RBFOX1: variants seen among roughly 807,000 people sequenced by gnomAD.
RBFOX1 encodes the protein RNA binding fox-1 homolog 1, also known as RNA binding protein fox-1 homolog 1.
In RBFOX1, 8 loss-of-function variants were observed where a neutral mutation model predicts 57.7. The observed-to-expected ratio is 0.14, with a 90% CI of 0.08 to 0.25. The LOEUF (loss-of-function observed/expected upper bound fraction) is 0.25, where lower values mean the gene tolerates loss of function less well. Ranked by LOEUF, RBFOX1 falls within the 10% of genes least tolerant of loss-of-function variation. The pLI is 1.00. For missense variants in RBFOX1, 611 were observed against 548.5 expected, an observed-to-expected ratio of 1.11 and a Z score of -1.14; for synonymous variants, 326 against 222.4, an observed-to-expected ratio of 1.47 and a Z score of -4.15.
intron 2 of RBFOX1, among the ~76,000 whole-genome samples, chr16:6,342,268 C>T (rs546768650): frequency 6.6e-5 from 10 of 152,158 alleles, no homozygotes; most frequent in African/African-American, 2.4e-4. Flanking sequence ...TGGCGGTGGT[C>T]TGGACTAGGA....
intron 3 of RBFOX1, among the ~76,000 whole-genome samples, chr16:5,847,210 T>C (rs1452971885): frequency 1.3e-5 from 2 of 152,082 alleles, no homozygotes; most frequent in African/African-American, 2.4e-5. Flanking sequence ...AGGAAACACA[T>C]GAGCATTTTG....
chr16:7,391,375 A>C (rs2098016868), intron 4 of RBFOX1, among the ~76,000 whole-genome samples: 1 of 152,166 alleles, frequency 6.6e-6, no homozygotes, highest in African/African-American at 2.4e-5. Flanking sequence ...CAAGGATACC[A>C]ATTATAGGGG....
rs147129858 is a variant in RBFOX1, at chr16:5,904,714, G to C, written c.351+37379G>C. Among the ~76,000 whole-genome samples the C allele has an allele frequency of 1.4e-3, 208 of 151,774 alleles. 4 individuals are homozygous for C. The highest frequency in any genetic ancestry group is 4.8e-3 in the African/African-American group (200 of 41,274). Reference sequence around the variant, plus strand: ...TCAGATGGGCCGGGCACAGTGTCTCGCGCCTGTAATCCCAGCACTTTGGGA... The same window carrying C: ...TCAGATGGGCCGGGCACAGTGTCTCCCGCCTGTAATCCCAGCACTTTGGGA... On this transcript the variant is annotated intron_variant, in intron 4 of 19. Coordinates refer to the RBFOX1 transcript ENST00000641259.
At chr16:5,589,074 T>G (rs777504781) in intron 2 of RBFOX1, among the ~76,000 whole-genome samples, 9 of 152,062 alleles carry the variant, frequency 5.9e-5, no homozygotes, top group Non-Finnish European at 1.3e-4. Flanking sequence ...GCCAAGGCAG[T>G]GGGTATGGAG....
At position 6,195,705 on chromosome 16, in the gene RBFOX1, G is replaced by C. The variant is rs116417922; in HGVS notation, c.-126-121290G>C. Among the ~76,000 whole-genome samples the C allele has an allele frequency of 7.5e-3, 1,142 of 151,662 alleles. 13 individuals are homozygous for C. The highest frequency in any genetic ancestry group is 0.026 in the African/African-American group (1,075 of 41,326). ...TTGCACTCCAGCCTGGGAAACAAGG[G>C]AGAAACTCTGTCTTTAAAAAAGAAA... is the stretch of plus-strand genomic sequence containing the variant. On this transcript the variant is annotated intron_variant, in intron 1 of 15. Coordinates refer to ENST00000550418, the MANE Select transcript of RBFOX1 (RefSeq NM_018723.4).
chr16:6,139,093 A>T (rs1388302761), intron 1 of RBFOX1, among the ~76,000 whole-genome samples: 1 of 152,130 alleles, frequency 6.6e-6, no homozygotes, highest in Non-Finnish European at 1.5e-5. Context: ...ATTGTTATTG[A>T]TAGCAGTTCT....
intron 4 of RBFOX1, among the ~76,000 whole-genome samples, chr16:7,500,285 G>T (rs1567529270): frequency 6.6e-6 from 1 of 152,184 alleles, no homozygotes. Context: ...GAACTGTTTG[G>T]TTTCAATTCT....
At chr16:5,555,825 G>A (rs757263534) in intron 2 of RBFOX1, among the ~76,000 whole-genome samples, 2 of 151,794 alleles carry the variant, frequency 1.3e-5, no homozygotes, top group Non-Finnish European at 2.9e-5. Context: ...AGTTCGAGAC[G>A]AGCCTCACCA....
At chr16:6,800,479 G>C (rs1297878104) in intron 3 of RBFOX1, among the ~76,000 whole-genome samples, 1 of 152,108 alleles carries the variant, frequency 6.6e-6, no homozygotes, top group Admixed American at 6.6e-5. Context: ...CTCGGGTGGG[G>C]TCGGAGCATC....
In RBFOX1 at chr16:7,049,555, C is replaced by G. The variant is rs79516649; in HGVS notation, c.-15-2502C>G. Among the ~76,000 whole-genome samples the G allele has an allele frequency of 5.1e-3, 769 of 152,272 alleles. 10 individuals are homozygous for G. Among genetic ancestry groups the G allele is most frequent in the African/African-American group, 0.018 (733 of 41,540 alleles). ...TTCAAGACAAAACCAGAGTGCTTCT[C>G]CTGAGTCTTTATATGGCTGGGTGTC... is the stretch of plus-strand genomic sequence containing the variant. On this transcript the variant is annotated intron_variant, in intron 3 of 15. Transcript: ENST00000550418.
At chr16:5,340,706 A>T (rs1421922684) in intron 1 of RBFOX1, among the ~76,000 whole-genome samples, 1 of 152,256 alleles carries the variant, frequency 6.6e-6, no homozygotes, top group Non-Finnish European at 1.5e-5. Context: ...TAAAGTAGCA[A>T]GTAATCAATT....
chr16:6,916,962 G>A (rs572446916), intron 3 of RBFOX1, among the ~76,000 whole-genome samples: 2 of 152,186 alleles, frequency 1.3e-5, no homozygotes, highest in African/African-American at 4.8e-5. Flanking sequence ...CGGTTTTCCT[G>A]CCTCAGCCTC....
chr16:5,604,678 G>A (rs1470229202), downstream of RBFOX1, among the ~76,000 whole-genome samples: 1 of 152,176 alleles, frequency 6.6e-6, no homozygotes, highest in Non-Finnish European at 1.5e-5. Context: ...ACTGAGGTCT[G>A]TCCATGCTGA....
intron 3 of RBFOX1, among the ~76,000 whole-genome samples, chr16:6,851,152 C>G (rs1057405609): frequency 1.3e-5 from 2 of 152,156 alleles, no homozygotes; most frequent in East Asian, 1.9e-4. Context: ...ATCATTTTGT[C>G]CAGTCTCAGC....
intron 4 of RBFOX1, among the ~76,000 whole-genome samples, chr16:7,271,687 C>G (rs1238420825): frequency 1.3e-5 from 2 of 152,052 alleles, no homozygotes; most frequent in African/African-American, 4.8e-5. Flanking sequence ...TGTCGGGAAA[C>G]AGTGATTTAA....
At chr16:6,484,654 T>A (rs1357184768) in intron 2 of RBFOX1, among the ~76,000 whole-genome samples, 1 of 152,100 alleles carries the variant, frequency 6.6e-6, no homozygotes, top group East Asian at 1.9e-4. Context: ...ATTTTCAGAT[T>A]ATGGGGAAAT....
At chr16:6,723,801 C>T (rs2066528840) in intron 3 of RBFOX1, 1 of 151,882 alleles carries the variant, frequency 6.6e-6, no homozygotes, top group African/African-American at 2.4e-5. Flanking sequence ...GAGAGTCTTC[C>T]AGCTACGTAC....
intron 5 of RBFOX1, among the ~76,000 whole-genome samples, chr16:7,563,709 C>T (rs950881668): frequency 6.6e-6 from 1 of 152,222 alleles, no homozygotes; most frequent in East Asian, 1.9e-4. Flanking sequence ...ACCTCGTGAT[C>T]CACCCACCTC....
At chr16:7,435,284 C>G (rs1415327695) in intron 4 of RBFOX1, among the ~76,000 whole-genome samples, 1 of 151,970 alleles carries the variant, frequency 6.6e-6, no homozygotes, top group African/African-American at 2.4e-5. Flanking sequence ...GTGTGTCCCT[C>G]CACTGAGGAG....
Sources: allele counts gnomAD v4.1 joint callset (sites outside exome capture counted in the v4.1 genomes callset), GRCh38; gene constraint gnomAD v4.1.1; transcripts MANE v1.5; gene names NCBI Gene and HGNC (gene_info 2026-07-23, HGNC 2026-07-21).